SCAF11: variants seen among roughly 807,000 people sequenced by gnomAD.
The protein encoded by SCAF11 is SR-related CTD associated factor 11.
SCAF11 carries 47 observed loss-of-function variants against 140.5 expected under a neutral mutation model. The observed-to-expected ratio is 0.33, with a 90% confidence interval of 0.26 to 0.43. The LOEUF is 0.43. Ranked by LOEUF, SCAF11 falls within the 20% of genes least tolerant of loss-of-function variation. The pLI, the probability that SCAF11 is intolerant of heterozygous loss-of-function variation, is 1.00. For missense variants in SCAF11, 1,645 were observed against 1,705.1 expected, an observed-to-expected ratio of 0.96 and a Z score of 0.62; for synonymous variants, 557 against 579.4, an observed-to-expected ratio of 0.96 and a Z score of 0.55.
rs770871909 is a variant in SCAF11 at position 45,926,402 on chromosome 12, C to T, written c.3299G>A (p.Arg1100Gln). ...KDQNENRWQN[R>Q]KPLSGNSNSS... ...GTTTGAATTCCCTGAGAGGGGTTTT[C>T]GATTTTGCCACCGATTTTCATTCTG... is the stretch of plus-strand genomic sequence containing the variant. Residue 1100 changes from arginine (R) to glutamine (Q), a missense_variant, in exon 11 of 15, where the codon CGA (arginine) becomes CAA (glutamine). Physicochemically the swap from Arg to Gln is conservative, Grantham distance 43. Coordinates refer to ENST00000369367, the MANE Select transcript of SCAF11 (RefSeq NM_004719.3). 20 of 1,614,212 alleles carry T rather than the reference C, an allele frequency of 1.2e-5. 1 individual carries two copies. The highest frequency in any genetic ancestry group is 3.3e-4 in the Middle Eastern group (2 of 6,062).
At chr12:45,990,296 C>T (rs1476866613) in intron 1 of SCAF11, 57 bp downstream of exon 1, 3 of 1,231,406 alleles carry the variant, frequency 2.4e-6, no homozygotes, top group Non-Finnish European at 3.0e-6. Flanking sequence ...CGCTAACCCT[C>T]GTCTCTCCCA....
At chr12:45,947,515 A>G (rs1253943450) in intron 5 of SCAF11, among the ~76,000 whole-genome samples, 1 of 152,234 alleles carries the variant, frequency 6.6e-6, no homozygotes, top group Non-Finnish European at 1.5e-5. Context: ...TTTAAATTAT[A>G]ACTGATGAAG....
chr12:45,926,906 C>G lies in SCAF11; in HGVS notation c.2795G>C (p.Trp932Ser). Residue 932 changes from tryptophan to serine, a missense_variant, in exon 11 of 15, where the codon TGG (tryptophan) becomes TCG (serine). Coordinates refer to ENST00000369367, the MANE Select transcript of SCAF11 (RefSeq NM_004719.3). ...CCTAGAATGAGATCTGGACCTAGAC[C>G]ACTTTCTGGTTCTCCTTTCTCTCTC... ...RRERERRTRK[W>S]SRSRSHSRSP... is the part of the protein sequence containing the mutation. 1 of 1,613,446 alleles carries G rather than the reference C, an allele frequency of 6.2e-7. No homozygotes were observed. Among genetic ancestry groups the G allele is most frequent in the South Asian group, 1.1e-5 (1 of 91,072 alleles).
At position 45,958,726 on chromosome 12, in the gene SCAF11, C is replaced by T. The variant is rs117914867; in HGVS notation, c.219+2974G>A. On this transcript the variant is annotated intron_variant, in intron 3 of 14. Transcript: ENST00000369367. ...ATTAGGCTATGGGCCATGAAGGCTACCACAGGTTCACCCTGAAACATTTTG... is the reference window on the plus strand; with the variant it reads ...ATTAGGCTATGGGCCATGAAGGCTATCACAGGTTCACCCTGAAACATTTTG... Among the ~76,000 whole-genome samples the T allele has an allele frequency of 3.5e-3, 534 of 152,264 alleles. 2 individuals carry two copies. The highest frequency in any genetic ancestry group is 4.9e-3 in the Non-Finnish European group (336 of 68,008).
At chr12:45,949,988 A>G (rs1309587040) in intron 4 of SCAF11, among the ~76,000 whole-genome samples, 1 of 152,204 alleles carries the variant, frequency 6.6e-6, no homozygotes, top group African/African-American at 2.4e-5. Flanking sequence ...GGGATATGAC[A>G]AAGAAGATTG....
rs1592235331 is a variant in SCAF11 at position 45,989,843 on chromosome 12, G to C, written c.-22+510C>G. Among the ~76,000 whole-genome samples, 3 of 152,280 alleles carry C rather than the reference G, an allele frequency of 2.0e-5. No homozygotes were observed. The South Asian group carries it at 6.2e-4, about 32-fold the overall frequency. On this transcript the variant is annotated intron_variant, in intron 1 of 14. Transcript: ENST00000369367. The stretch of plus-strand genomic sequence containing the variant: ...CGTAGTAAAGTTTGGTTTCACTAGC[G>C]GGCTTGGACGCTCGCGACCAAAGTC...
At chr12:45,967,306 A>C (rs905919525) in intron 1 of SCAF11, among the ~76,000 whole-genome samples, 5 of 152,172 alleles carry the variant, frequency 3.3e-5, no homozygotes, top group African/African-American at 1.2e-4. Flanking sequence ...ATACATGAGA[A>C]ACTGAGAAAC....
At chr12:45,950,292 A>G (rs1355262505) in intron 4 of SCAF11, among the ~76,000 whole-genome samples, 1 of 152,188 alleles carries the variant, frequency 6.6e-6, no homozygotes, top group African/African-American at 2.4e-5. Context: ...AGGGAAAAAG[A>G]TAATGAAGTG....
In SCAF11 at chr12:45,927,818, T is replaced by G. The variant is rs1475051063; in HGVS notation, c.1883A>C (p.Lys628Thr). Residue 628 changes from lysine to threonine, a missense_variant, in exon 11 of 15, where the codon AAG (lysine) becomes ACG (threonine). Coordinates refer to ENST00000369367, the MANE Select transcript of SCAF11 (RefSeq NM_004719.3). Reference sequence around the variant, plus strand: ...CCCAAGCAATTGAACCTCTGGGCTCTTAACAGATTGTCTGTCCACTGTCTG... The same window carrying G: ...CCCAAGCAATTGAACCTCTGGGCTCGTAACAGATTGTCTGTCCACTGTCTG... ...IIQTVDRQSV[K>T]SPEVQLLGHV... is the part of the protein sequence containing the mutation. 6.2e-7 allele frequency: 1 copy of G among 1,613,932 alleles called. No individual in the cohort carries two copies. Among genetic ancestry groups the G allele is most frequent in the Non-Finnish European group, 8.5e-7 (1 of 1,180,000 alleles).
chr12:45,953,828 C>T, intron 3 of SCAF11: 2 of 821,112 alleles, frequency 2.4e-6, no homozygotes, highest in Non-Finnish European at 3.5e-6. Context: ...AATAACTTAC[C>T]TCTAAGGTTT....
At chr12:45,939,822 A>G (rs983535608) in intron 6 of SCAF11, among the ~76,000 whole-genome samples, 4 of 152,272 alleles carry the variant, frequency 2.6e-5, no homozygotes, top group African/African-American at 9.6e-5. Flanking sequence ...TTTCTCAAGT[A>G]GTTCTTTTAT....
At chr12:45,942,675 T>C (rs1204733400) in intron 6 of SCAF11, among the ~76,000 whole-genome samples, 1 of 152,212 alleles carries the variant, frequency 6.6e-6, no homozygotes, top group Middle Eastern at 3.2e-3. Context: ...TTCCCTGAGA[T>C]ATCTTCATGG....
In SCAF11 at chr12:45,934,200, G is replaced by C; in HGVS notation, c.608C>G (p.Ser203Cys). The C allele has an allele frequency of 6.3e-7, 1 of 1,599,366 alleles. No homozygotes were observed. Among genetic ancestry groups the C allele is most frequent in the Non-Finnish European group, 8.6e-7 (1 of 1,167,936 alleles). Residue 203 changes from serine to cysteine, a missense_variant, in exon 8 of 15, where the codon TCT (serine) becomes TGT (cysteine). This residue lies in a region of SCAF11 where 1,582 missense variants were observed against 1,609.2 expected (regional missense o/e 0.98). Transcript: ENST00000369367. Reference sequence around the variant, plus strand: ...CCAATAAGCTCTATAGGTAAAGGAAGATTCTCCAGAGTGGCTAACAGAAGA... The same window carrying C: ...CCAATAAGCTCTATAGGTAAAGGAACATTCTCCAGAGTGGCTAACAGAAGA... ...MFSSVSHSGE[S>C]SFTYRAYCTE...
At chr12:45,983,401 C>T (rs1324905907) in intron 1 of SCAF11, among the ~76,000 whole-genome samples, 2 of 152,078 alleles carry the variant, frequency 1.3e-5, no homozygotes, top group South Asian at 2.1e-4. Flanking sequence ...AGAGTGAATG[C>T]CTACAATATA....
intron 3 of SCAF11, chr12:45,960,441 C>T (rs935769957): frequency 6.6e-6 from 1 of 152,028 alleles, no homozygotes; most frequent in African/African-American, 2.4e-5. Flanking sequence ...CACAAAGCAA[C>T]CATGTGCACT....
At position 45,990,371 on chromosome 12, in the gene SCAF11, C is replaced by A. The variant is rs1946568382; in HGVS notation, c.-40G>T. ...TGTTTACCTCAGACCGAGGTCGAGG[C>A]GCTCGGTCCGGCCGCGGCCCCACAG... On this transcript the variant is annotated 5_prime_UTR_variant, in exon 1 of 15. Transcript: ENST00000369367. 8.1e-7 allele frequency: 1 copy of A among 1,232,102 alleles called. No individual in the cohort carries two copies. 76.3% of individuals were successfully genotyped at this position (1,232,102 alleles called of 1,614,324 possible). A position where few individuals can be genotyped will look rare whatever the true frequency, so the allele number is the denominator to read the frequency against.
chr12:45,936,188 C>A (rs1287287300), intron 6 of SCAF11, among the ~76,000 whole-genome samples: 1 of 151,324 alleles, frequency 6.6e-6, no homozygotes, highest in East Asian at 1.9e-4. Context: ...GTTGGCCAGG[C>A]TGGAGTGCAG....
chr12:45,955,954 G>C, intron 3 of SCAF11: 1 of 622,588 alleles, frequency 1.6e-6, no homozygotes, highest in Non-Finnish European at 2.9e-6. Context: ...TCTGTACTAA[G>C]GTTGTTGTAT....
intron 6 of SCAF11, among the ~76,000 whole-genome samples, chr12:45,940,125 T>A (rs2136544450): frequency 6.6e-6 from 1 of 152,052 alleles, no homozygotes; most frequent in Non-Finnish European, 1.5e-5. Context: ...CTAAGAAACC[T>A]CATAAGAAAT....
Sources: allele counts gnomAD v4.1 joint callset (sites outside exome capture counted in the v4.1 genomes callset), GRCh38; gene constraint gnomAD v4.1.1; regional missense constraint gnomAD v4.1.1; transcripts MANE v1.5; gene names NCBI Gene and HGNC (gene_info 2026-07-23, HGNC 2026-07-21).